HAO2: variants seen among roughly 807,000 people sequenced by gnomAD.
HAO2 encodes the protein 2-Hydroxyacid oxidase 2.
Under a neutral mutation model 37.4 loss-of-function variants are expected in HAO2, and 42 were observed. The ratio of observed to expected loss-of-function variants is 1.12; its 90% CI spans 0.88 to 1.45. The LOEUF is 1.45. Among genes scored for constraint, HAO2 ranks in the 40% most tolerant of loss-of-function variants. The pLI, the probability that HAO2 is intolerant of heterozygous loss-of-function variation, is 0.00. For synonymous variants in HAO2, 180 were observed against 162.8 expected (o/e 1.11, Z -0.81); for missense variants, 476 against 430.2 (o/e 1.11, Z -0.94).
intron 5 of HAO2, among the ~76,000 whole-genome samples, chr1:119,390,313 G>T (rs587688859): frequency 6.6e-6 from 1 of 152,022 alleles, no homozygotes; most frequent in African/African-American, 2.4e-5. Context: ...GGGCAATGGC[G>T]CAGTCTCAGC....
rs1470826958 is a variant in HAO2, at chr1:119,393,974, A to G, written c.*134A>G. ...CATGGCCCATATTTCCCACATTTCT[A>G]ATACCACCACCCCTGTGCTTCAGGC... On this transcript the variant is annotated 3_prime_UTR_variant, in exon 8 of 8. Coordinates refer to ENST00000325945, the MANE Select transcript of HAO2 (RefSeq NM_016527.4). The G allele has an allele frequency of 6.5e-7, 1 of 1,531,860 alleles. No homozygotes were observed. The highest frequency in any genetic ancestry group is 8.8e-7 in the Non-Finnish European group (1 of 1,131,900). 94.9% of individuals were successfully genotyped at this position (1,531,860 alleles called of 1,614,324 possible).
chr1:119,381,261 G>A lies in HAO2; in HGVS notation c.131+45G>A, dbSNP rs1649916172. On this transcript the variant is annotated intron_variant, in intron 2 of 7. Transcript: ENST00000325945. ...GTCTATTGTTAGGTTAAGGTGCACT[G>A]GTGGAGAGCAACTTGGACAGTAGTA... 3.5e-6 allele frequency: 5 copies of A among 1,434,866 alleles called. No homozygotes were observed. The South Asian group carries it at 5.7e-5, about 16-fold the overall frequency. 88.9% of individuals were successfully genotyped at this position (1,434,866 alleles called of 1,614,324 possible). A position where few individuals can be genotyped will look rare whatever the true frequency, so the allele number is the denominator to read the frequency against.
In HAO2 at chr1:119,376,286, C is replaced by T. The variant is rs1394921559; in HGVS notation, c.-8-4792C>T. 1.3e-4 allele frequency among the ~76,000 whole-genome samples: 20 copies of T among 152,180 alleles called. 1 individual carries two copies. The highest frequency in any genetic ancestry group is 1.3e-3 in the Admixed American group (20 of 15,278). ...CTAAAATCCAGCAGAGCAGTCAAATCTTAAAGCTCCAAAATGATCTTTTTG... is the reference window on the plus strand; with the variant it reads ...CTAAAATCCAGCAGAGCAGTCAAATTTTAAAGCTCCAAAATGATCTTTTTG... On this transcript the variant is annotated intron_variant, in intron 1 of 7. Coordinates refer to ENST00000325945, the MANE Select transcript of HAO2 (RefSeq NM_016527.4).
At chr1:119,379,775 G>A (rs1649772631) in intron 1 of HAO2, among the ~76,000 whole-genome samples, 1 of 151,960 alleles carries the variant, frequency 6.6e-6, no homozygotes, top group African/African-American at 2.4e-5. Flanking sequence ...ATTTCTTCCT[G>A]CTTGGCCCTT....
chr1:119,386,360 T>C (rs1248774500), intron 4 of HAO2, among the ~76,000 whole-genome samples: 2 of 152,082 alleles, frequency 1.3e-5, no homozygotes, highest in African/African-American at 2.4e-5. Flanking sequence ...ACTACAGGCA[T>C]GCACCACGAT....
At chr1:119,383,576 G>A (rs1650135265) in intron 3 of HAO2, among the ~76,000 whole-genome samples, 1 of 152,040 alleles carries the variant, frequency 6.6e-6, no homozygotes, top group African/African-American at 2.4e-5. Flanking sequence ...GTTTGACAAA[G>A]ATTTTATTGT....
intron 1 of HAO2, chr1:119,380,654 A>C: frequency 6.6e-7 from 1 of 1,520,430 alleles, no homozygotes; most frequent in Non-Finnish European, 9.1e-7. Flanking sequence ...AGAGGCAGGC[A>C]TGATCAGCCT....
intron 5 of HAO2, among the ~76,000 whole-genome samples, chr1:119,391,546 G>A (rs1650902301): frequency 6.6e-6 from 1 of 152,176 alleles, no homozygotes; most frequent in African/African-American, 2.4e-5. Flanking sequence ...TTGTACTTTA[G>A]TCCTATCTCA....
At chr1:119,393,381 A>G (rs1201507504) in intron 7 of HAO2, among the ~76,000 whole-genome samples, 3 of 152,160 alleles carry the variant, frequency 2.0e-5, no homozygotes, top group African/African-American at 7.2e-5. Context: ...TTCCTTTAGA[A>G]GGCAATTGTC....
chr1:119,385,352 T>C, intron 4 of HAO2: 5 of 985,024 alleles, frequency 5.1e-6, no homozygotes, highest in Non-Finnish European at 6.0e-6. Flanking sequence ...AAAATATTTT[T>C]GCACGAACTG....
chr1:119,391,592 G>A (rs587675481), intron 5 of HAO2, among the ~76,000 whole-genome samples: 2 of 152,180 alleles, frequency 1.3e-5, no homozygotes, highest in African/African-American at 4.8e-5. Flanking sequence ...TCAGGGACAA[G>A]TTGGTCAAGT....
chr1:119,385,915 A>G, intron 4 of HAO2: 1 of 980,472 alleles, frequency 1.0e-6, no homozygotes, highest in South Asian at 4.7e-5. Context: ...GTAATAACTG[A>G]TTTAGTATTG....
intron 1 of HAO2, among the ~76,000 whole-genome samples, chr1:119,373,539 G>C (rs1211122904): frequency 2.0e-5 from 3 of 152,098 alleles, no homozygotes; most frequent in South Asian, 4.1e-4. Flanking sequence ...TCAATAGGCA[G>C]GATGTGTGGG....
chr1:119,389,354 C>T (rs1650683820), intron 5 of HAO2, among the ~76,000 whole-genome samples: 1 of 150,190 alleles, frequency 6.7e-6, no homozygotes, highest in South Asian at 2.1e-4. Flanking sequence ...ACTTTTAGTT[C>T]TATAAGGAAT....
chr1:119,380,261 C>T (rs587700209), intron 1 of HAO2, among the ~76,000 whole-genome samples: 14 of 152,278 alleles, frequency 9.2e-5, no homozygotes, highest in Non-Finnish European at 1.9e-4. Flanking sequence ...GCCCTGTCCT[C>T]TTTCCTCTTT....
At chr1:119,370,283 C>G (rs587627068) in intron 1 of HAO2, 1 of 152,310 alleles carries the variant, frequency 6.6e-6, no homozygotes, top group African/African-American at 2.4e-5. Context: ...CAGTATATGC[C>G]TCCGCCACCC....
intron 1 of HAO2, among the ~76,000 whole-genome samples, chr1:119,374,086 G>GAA (rs1649251864): frequency 6.6e-6 from 1 of 152,144 alleles, no homozygotes. Context: ...TGCAATGTTA[G>GAA]AAACACTCAG....
At chr1:119,382,657 G>A (rs750533623) in intron 2 of HAO2, among the ~76,000 whole-genome samples, 1 of 152,324 alleles carries the variant, frequency 6.6e-6, no homozygotes, top group East Asian at 1.9e-4. Flanking sequence ...CAGGAATAGT[G>A]TGGACTTGGT....
intron 5 of HAO2, among the ~76,000 whole-genome samples, chr1:119,389,862 C>T (rs1343988598): frequency 6.6e-6 from 1 of 152,072 alleles, no homozygotes; most frequent in Non-Finnish European, 1.5e-5. Context: ...AAATCCTTGC[C>T]TAAGCCAATA....
Sources: gnomAD v4.1 joint callset for allele counts (sites outside exome capture counted in the v4.1 genomes callset) on GRCh38, gnomAD v4.1.1 for gene constraint, MANE v1.5 for transcripts, NCBI Gene and HGNC (gene_info 2026-07-23, HGNC 2026-07-21) for gene names.